The following CCNT1 variants were observed in gnomAD, a reference collection of about 807,000 sequenced individuals.
The protein encoded by CCNT1 is cyclin-T1.
Under a neutral mutation model 67.3 loss-of-function variants are expected in CCNT1, and 18 were observed. The ratio of observed to expected loss-of-function variants is 0.27; its 90% CI spans 0.18 to 0.40. CCNT1 has a LOEUF of 0.40. CCNT1 is among the 10% of genes least tolerant of loss of function. CCNT1 has a pLI of 1.00. For synonymous variants in CCNT1, 333 were observed against 310.3 expected (o/e 1.07, Z -0.77); for missense variants, 744 against 884.9 (o/e 0.84, Z 2.02).
At chr12:48,706,005 C>T (rs1940351616) in intron 2 of CCNT1, 109 bp from the exon 3 acceptor site, 2 of 1,049,040 alleles carry the variant, frequency 1.9e-6, no homozygotes, top group African/African-American at 1.6e-5. Context: ...CTTGCCTCAA[C>T]TTTGTCACCT....
At chr12:48,698,284 A>G in intron 5 of CCNT1, 101 bp from the exon 6 acceptor site, 2 of 823,332 alleles carry the variant, frequency 2.4e-6, no homozygotes, top group Non-Finnish European at 3.8e-6. Context: ...TTTGCAAGGT[A>G]CTGTGAATAT....
chr12:48,700,800 A>G (rs550911656), intron 4 of CCNT1, among the ~76,000 whole-genome samples: 1 of 152,226 alleles, frequency 6.6e-6, no homozygotes, highest in Non-Finnish European at 1.5e-5. Flanking sequence ...ATAATAACCC[A>G]CTGGCTGCTG....
rs763651129 is a variant in CCNT1, at chr12:48,696,129, T to C, written c.576A>G (p.Thr192=). The C allele has an allele frequency of 3.1e-6, 5 of 1,609,602 alleles. No homozygotes were observed. The African/African-American group carries it at 4.1e-5, about 13-fold the overall frequency. ...TGCAGACACAGGCCACCACAGGAGGTGTGTACTGCAGGCTAAATGTGGTCA... is the reference window on the plus strand; with the variant it reads ...TGCAGACACAGGCCACCACAGGAGGCGTGTACTGCAGGCTAAATGTGGTCA... ...LHLTTFSLQY[T]PPVVACVCIH... Residue 192 remains threonine (T), a synonymous_variant, in exon 7 of 9, where the codon ACA becomes ACG. Transcript: ENST00000261900.
Position 48,694,299 on chromosome 12 carries a change from A to G in CCNT1, c.915T>C (p.Ser305=), listed in dbSNP as rs1228823259. Residue 305 remains serine (S), a synonymous_variant, in exon 9 of 9, where the codon TCT becomes TCC. Transcript: ENST00000261900. ...GCAGGGAAGGCACTGCACTTGTGGT[A>G]GAAGTTGACATGCTCATTAAACCTG... ...TIAGLMSMST[S]TTSAVPSLPV... The G allele has an allele frequency of 1.9e-6, 3 of 1,614,106 alleles. No homozygotes were observed. Among genetic ancestry groups the G allele is most frequent in the South Asian group, 2.2e-5 (2 of 91,094 alleles).
At position 48,692,121 on chromosome 12, in the gene CCNT1, A is replaced by C. The variant is rs1374754444; in HGVS notation, c.*912T>G. The C allele has an allele frequency of 1.3e-5, 2 of 152,138 alleles. No individual in the cohort carries two copies. Among genetic ancestry groups the C allele is most frequent in the Non-Finnish European group, 2.9e-5 (2 of 68,018 alleles). The allele number at this position is 152,138 out of a possible 1,614,324, so 9.4% of individuals were successfully genotyped here. A position where few individuals can be genotyped will look rare whatever the true frequency, so the allele number is the denominator to read the frequency against. ...TCTCTGTTTTGCACAAAAACAAAAA[A>C]AGGGGTAAAAAGGAAGTTCTCATAA... On this transcript the variant is annotated 3_prime_UTR_variant, in exon 9 of 9. Coordinates refer to ENST00000261900, the MANE Select transcript of CCNT1 (RefSeq NM_001240.4).
chr12:48,703,227 C>T (rs1313213856), intron 3 of CCNT1, among the ~76,000 whole-genome samples: 3 of 151,844 alleles, frequency 2.0e-5, no homozygotes, highest in African/African-American at 7.3e-5. Flanking sequence ...ATCCTGGCTA[C>T]AATCTTGCCA....
At position 48,699,772 on chromosome 12, in the gene CCNT1, C is replaced by G. The variant is rs1434581220; in HGVS notation, c.496+6G>C. ...GAGATAGTCTTCATAAGCTGGGATT[C>G]CTTACCTCGAACAAGTTGAGTGCAC... On this transcript the variant is annotated splice_donor_region_variant and intron_variant, in intron 5 of 8. Coordinates refer to ENST00000261900, the MANE Select transcript of CCNT1 (RefSeq NM_001240.4). 2 of 1,597,710 alleles carry G rather than the reference C, an allele frequency of 1.3e-6. No homozygotes were observed. The highest frequency in any genetic ancestry group is 3.4e-5 in the Admixed American group (2 of 59,256).
rs1477807046 is a variant in CCNT1 at position 48,693,733 on chromosome 12, T to C, written c.1481A>G (p.Asn494Ser). 5.0e-6 allele frequency: 8 copies of C among 1,614,036 alleles called. No homozygotes were observed. The highest frequency in any genetic ancestry group is 3.3e-5 in the Admixed American group (2 of 59,998). The change falls in exon 9 of 9, where the codon AAT becomes AGT. Residue 494 changes from asparagine to serine, a missense_variant. Coordinates refer to ENST00000261900, the MANE Select transcript of CCNT1 (RefSeq NM_001240.4). ...CTTTGTAACACTGTCCTCTACAGAA[T>C]TGTGCTTATCAGCTGCAGCATGGAC... is the stretch of plus-strand genomic sequence containing the variant. ...IKVHAAADKH[N>S]SVEDSVTKSR...
intron 7 of CCNT1, 33 bp downstream of exon 7, chr12:48,695,966 G>A: frequency 2.5e-6 from 4 of 1,611,324 alleles, no homozygotes; most frequent in Non-Finnish European, 2.5e-6. Context: ...TCAACAGCAA[G>A]TGCTTTTCAA....
chr12:48,716,166 C>A (rs1258440792), intron 1 of CCNT1, among the ~76,000 whole-genome samples: 1 of 152,218 alleles, frequency 6.6e-6, no homozygotes, highest in Admixed American at 6.6e-5. Flanking sequence ...AAACCTCTGC[C>A]AGACCTAGAC....
At chr12:48,714,350 G>C in intron 2 of CCNT1, 93 bp downstream of exon 2, 1 of 749,278 alleles carries the variant, frequency 1.3e-6, no homozygotes, top group Non-Finnish European at 2.3e-6. Flanking sequence ...TAAAGTTCAA[G>C]TTACAGTTCA....
chr12:48,712,294 CT>C (rs1940463552), intron 2 of CCNT1, among the ~76,000 whole-genome samples: 1 of 151,754 alleles, frequency 6.6e-6, no homozygotes, highest in African/African-American at 2.4e-5. Flanking sequence ...TAATCTTTTT[CT>C]TTTTGAGATG....
chr12:48,705,860 C>G lies in CCNT1; in HGVS notation c.280G>C (p.Val94Leu). Residue 94 changes from valine (V) to leucine (L), a missense_variant, in exon 3 of 9, where the codon GTG becomes CTG. By Grantham distance (32) the Val-to-Leu change is conservative (BLOSUM62 1). Around this residue, in one of 3 missense-constraint regions of CCNT1, gnomAD observed 142 missense variants for 277.0 expected, o/e 0.51. Coordinates refer to ENST00000261900, the MANE Select transcript of CCNT1 (RefSeq NM_001240.4). ...TCCAATTTTTTGGGCTGCTCCTCCA[C>G]TTTAGCTGCTAGAAACAAGGCTGCT... ...APAALFLAAKVEEQPKKLEHV... is the reference protein window; with the variant it reads ...APAALFLAAKLEEQPKKLEHV... 3 of 1,613,786 alleles carry G rather than the reference C, an allele frequency of 1.9e-6. No homozygotes were observed. Among genetic ancestry groups the G allele is most frequent in the Non-Finnish European group, 2.5e-6 (3 of 1,179,890 alleles).
At position 48,694,006 on chromosome 12, in the gene CCNT1, T is replaced by C; in HGVS notation, c.1208A>G (p.Gln403Arg). Residue 403 changes from glutamine to arginine, a missense_variant, in exon 9 of 9, where the codon CAG becomes CGG. By Grantham distance (43) the Gln-to-Arg change is conservative. Around this residue, in one of 3 missense-constraint regions of CCNT1, gnomAD observed 564 missense variants for 574.2 expected, o/e 0.98. Transcript: ENST00000261900. ...TTCCATGTTCTCCAGTTGCCTCTTC[T>C]GGGCAGCCAATTCTTCTGCATGCTT... ...RAKHAEELAA[Q>R]KRQLENMEAN... The C allele has an allele frequency of 4.3e-6, 7 of 1,614,268 alleles. No individual in the cohort carries two copies. The highest frequency in any genetic ancestry group is 1.1e-5 in the South Asian group (1 of 91,088).
rs1477256318 is a variant in CCNT1 at position 48,693,077 on chromosome 12, G to A, written c.2137C>T (p.Leu713=). The A allele has an allele frequency of 1.2e-6, 2 of 1,613,370 alleles. No individual in the cohort carries two copies. The highest frequency in any genetic ancestry group is 4.5e-5 in the East Asian group (2 of 44,852). Reference sequence around the variant, plus strand: ...AGTGGTGGAGGAGGTTCTGATGGCAGAGGTGGTGGCCGGGGTTTGTCTGTA... The same window carrying A: ...AGTGGTGGAGGAGGTTCTGATGGCAAAGGTGGTGGCCGGGGTTTGTCTGTA... ...GNTDKPRPPP[L]PSEPPPPLPP... is the part of the protein sequence containing the mutation. Residue 713 remains leucine, a synonymous_variant, in exon 9 of 9, where the codon CTG becomes TTG. Coordinates refer to ENST00000261900, the MANE Select transcript of CCNT1 (RefSeq NM_001240.4).
intron 2 of CCNT1, among the ~76,000 whole-genome samples, chr12:48,711,043 GA>G (rs1314653936): frequency 6.6e-6 from 1 of 151,954 alleles, no homozygotes; most frequent in East Asian, 1.9e-4. Flanking sequence ...CAGCCTGGGG[GA>G]AAGAGAGAGA....
intron 6 of CCNT1, 93 bp downstream of exon 6, chr12:48,698,045 C>T: frequency 1.4e-6 from 1 of 697,582 alleles, no homozygotes; most frequent in South Asian, 2.8e-5. Flanking sequence ...GAAAAATCAA[C>T]ATTCACCAGA....
intron 6 of CCNT1, 181 bp downstream of exon 6, chr12:48,697,957 T>A: frequency 2.4e-6 from 1 of 415,712 alleles, no homozygotes; most frequent in Non-Finnish European, 4.3e-6. Context: ...ATCAAAAAAA[T>A]CAGTACTAAA....
rs2137220605 is a variant in CCNT1, at chr12:48,692,731, T to C, written c.*302A>G. On this transcript the variant is annotated 3_prime_UTR_variant, in exon 9 of 9. Coordinates refer to ENST00000261900, the MANE Select transcript of CCNT1 (RefSeq NM_001240.4). ...TCAGCTCTGGCAAGAAGAGGGAAGA[T>C]ATCAACTCCAATCAACCTAATTAGA... is the stretch of plus-strand genomic sequence containing the variant. 1 of 253,598 alleles carries C rather than the reference T, an allele frequency of 3.9e-6. No individual in the cohort carries two copies. Among genetic ancestry groups the C allele is most frequent in the Non-Finnish European group, 7.6e-6 (1 of 132,120 alleles). 15.7% of individuals were successfully genotyped at this position (253,598 alleles called of 1,614,324 possible). A position where few individuals can be genotyped will look rare whatever the true frequency, so the allele number is the denominator to read the frequency against.
Sources: allele counts gnomAD v4.1 joint callset (sites outside exome capture counted in the v4.1 genomes callset), GRCh38; gene constraint gnomAD v4.1.1; regional missense constraint gnomAD v4.1.1; transcripts MANE v1.5; gene names NCBI Gene and HGNC (gene_info 2026-07-23, HGNC 2026-07-21).